RPTOR: variants seen among roughly 807,000 people sequenced by gnomAD.
RPTOR encodes the protein regulatory-associated protein of mTOR.
RPTOR carries 21 observed loss-of-function variants against 169.9 expected under a neutral mutation model. The ratio of observed to expected loss-of-function variants is 0.12; its 90% CI spans 0.09 to 0.18. The LOEUF (loss-of-function observed/expected upper bound fraction) is 0.18. Among genes scored for constraint, RPTOR ranks in the 10% least tolerant of loss-of-function variants. The probability of loss-of-function intolerance (pLI) is 1.00; values close to 1 mark genes in which losing one functional copy is unlikely to be tolerated. For synonymous variants in RPTOR, 732 were observed against 753.2 expected (o/e 0.97, Z 0.46); for missense variants, 1,133 against 1,855.9 (o/e 0.61, Z 7.16).
chr17:80,668,877 T>G (rs1230221403), intron 3 of RPTOR, among the ~76,000 whole-genome samples: 7 of 152,234 alleles, frequency 4.6e-5, no homozygotes, highest in Non-Finnish European at 2.9e-5. Context: ...AGAACAACTG[T>G]TTTAAAGGTC....
At chr17:80,554,280 T>A (rs529081931) in intron 1 of RPTOR, among the ~76,000 whole-genome samples, 14 of 152,228 alleles carry the variant, frequency 9.2e-5, no homozygotes, top group African/African-American at 3.1e-4. Flanking sequence ...TTGCAACAGA[T>A]CTTTAAGAAA....
intron 1 of RPTOR, among the ~76,000 whole-genome samples, chr17:80,561,263 G>GTGTATATATATA (rs1297941814): frequency 0.057 from 1,120 of 19,534 alleles, 31 homozygotes; most frequent in African/African-American, 0.099. Context: ...ATATATATAT[G>GTGTATATATATA]TATATATATA....
chr17:80,883,410 G>A lies in RPTOR; in HGVS notation c.1585-9G>A. The stretch of plus-strand genomic sequence containing the variant: ...GGGGAGACGACCAGGACTGGTTTTT[G>A]TTTTCCAGGCTGAACACCGGACCAT... On this transcript the variant is annotated splice_polypyrimidine_tract_variant and intron_variant, in intron 14 of 33. Transcript: ENST00000306801. The A allele has an allele frequency of 1.2e-5, 20 of 1,614,080 alleles. No individual in the cohort carries two copies. The highest frequency in any genetic ancestry group is 1.6e-5 in the Non-Finnish European group (19 of 1,179,954).
intron 6 of RPTOR, among the ~76,000 whole-genome samples, chr17:80,760,711 C>T (rs980739190): frequency 7.3e-4 from 111 of 152,308 alleles, no homozygotes; most frequent in African/African-American, 2.3e-3. Flanking sequence ...CTGCAGATGA[C>T]GGCTGTGCGT....
intron 20 of RPTOR, among the ~76,000 whole-genome samples, chr17:80,907,808 T>C (rs1056368864): frequency 2.6e-5 from 4 of 152,170 alleles, no homozygotes; most frequent in African/African-American, 9.7e-5. Context: ...CCACCCCTCC[T>C]TTGCCCAGAG....
At chr17:80,696,898 G>T (rs776334984) in intron 3 of RPTOR, among the ~76,000 whole-genome samples, 1 of 152,212 alleles carries the variant, frequency 6.6e-6, no homozygotes, top group Non-Finnish European at 1.5e-5. Flanking sequence ...GGGTGTTAGT[G>T]TGCTCATTAG....
At chr17:80,731,140 A>C (rs1044417924) in intron 5 of RPTOR, among the ~76,000 whole-genome samples, 17 of 152,134 alleles carry the variant, frequency 1.1e-4, no homozygotes, top group Non-Finnish European at 1.8e-4. Context: ...CAGCCTGCAA[A>C]GTTCTGGGAT....
At chr17:80,889,974 CACAGCAGGA>C in intron 17 of RPTOR, among the ~76,000 whole-genome samples, 2 of 91,218 alleles carry the variant, frequency 2.2e-5, no homozygotes, top group Non-Finnish European at 5.3e-5. Flanking sequence ...GGCCCCCGTA[CACAGCAGGA>C]TGTGCGGCCT....
At chr17:80,616,298 C>CTTTTTTT (rs201229448) in intron 1 of RPTOR, among the ~76,000 whole-genome samples, 1,832 of 113,084 alleles carry the variant, frequency 0.016, 127 homozygotes, top group Non-Finnish European at 0.021. Flanking sequence ...AATTGAAAAT[C>CTTTTTTT]TTTTTTTTTT....
intron 7 of RPTOR, chr17:80,804,907 AGG>A (rs2067202887): frequency 6.6e-6 from 1 of 152,280 alleles, no homozygotes; most frequent in Non-Finnish European, 1.5e-5. Flanking sequence ...ACAGCATGGG[AGG>A]AGAGACCGGT....
At chr17:80,767,244 G>A (rs1387826516) in intron 6 of RPTOR, among the ~76,000 whole-genome samples, 1 of 152,114 alleles carries the variant, frequency 6.6e-6, no homozygotes, top group Admixed American at 6.6e-5. Context: ...GGTGGCATAC[G>A]CTTGTAGTCC....
At chr17:80,589,701 G>T (rs1205282107) in intron 1 of RPTOR, among the ~76,000 whole-genome samples, 1 of 151,910 alleles carries the variant, frequency 6.6e-6, no homozygotes, top group Non-Finnish European at 1.5e-5. Context: ...GAAATTGTGT[G>T]TTGTTTGTTC....
chr17:80,868,499 G>C (rs138902257), intron 13 of RPTOR, among the ~76,000 whole-genome samples: 1 of 152,204 alleles, frequency 6.6e-6, no homozygotes, highest in South Asian at 2.1e-4. Flanking sequence ...GGCCGTGGAG[G>C]AACTGGAACC....
chr17:80,663,428 CA>C (rs2065739665), intron 3 of RPTOR, among the ~76,000 whole-genome samples: 1 of 151,938 alleles, frequency 6.6e-6, no homozygotes, highest in African/African-American at 2.4e-5. Context: ...AGGCAATCTG[CA>C]GAGGAATCTT....
At chr17:80,678,151 C>T (rs1395958498) in intron 3 of RPTOR, among the ~76,000 whole-genome samples, 1 of 152,256 alleles carries the variant, frequency 6.6e-6, no homozygotes. Context: ...CCCACTACCA[C>T]AAGGCTCTGT....
intron 1 of RPTOR, among the ~76,000 whole-genome samples, chr17:80,570,185 C>T (rs1264505684): frequency 1.3e-5 from 2 of 152,150 alleles, no homozygotes; most frequent in Non-Finnish European, 2.9e-5. Context: ...TCACGGGGCA[C>T]ACCTCATTTG....
intron 4 of RPTOR, among the ~76,000 whole-genome samples, chr17:80,727,468 G>A (rs1408802295): frequency 2.0e-5 from 3 of 148,436 alleles, no homozygotes; most frequent in African/African-American, 5.0e-5. Context: ...GTCACGCCCC[G>A]AGAACGTGGA....
intron 4 of RPTOR, among the ~76,000 whole-genome samples, chr17:80,712,900 C>A (rs946236038): frequency 5.3e-5 from 8 of 152,148 alleles, no homozygotes; most frequent in Non-Finnish European, 1.2e-4. Flanking sequence ...ATTTCATTTT[C>A]AATTTCGTAA....
chr17:80,665,406 T>G (rs1598203934), intron 3 of RPTOR, among the ~76,000 whole-genome samples: 1 of 8,726 alleles, frequency 1.1e-4, no homozygotes, highest in Non-Finnish European at 1.8e-4. Flanking sequence ...TCCTTTCCTT[T>G]CCTTTCCTTT....
Sources: gnomAD v4.1 joint callset for allele counts (sites outside exome capture counted in the v4.1 genomes callset) on GRCh38, gnomAD v4.1.1 for gene constraint, MANE v1.5 for transcripts, NCBI Gene and HGNC (gene_info 2026-07-23, HGNC 2026-07-21) for gene names.